ASXL1: variants seen among roughly 807,000 people sequenced by gnomAD.
ASXL1 encodes the protein polycomb group protein ASXL1.
A neutral mutation model predicts 89.1 loss-of-function variants in ASXL1; 65 were observed. The observed-to-expected ratio is 0.73, with a 90% CI of 0.60 to 0.90. ASXL1 has a LOEUF of 0.90. Ranked by LOEUF, ASXL1 falls within the 40% of genes least tolerant of loss-of-function variation. The probability of loss-of-function intolerance (pLI) is 0.00; values close to 1 mark genes in which losing one functional copy is unlikely to be tolerated. For synonymous variants in ASXL1, 739 were observed against 746.9 expected (o/e 0.99, Z 0.17); for missense variants, 1,786 against 1,942.9 (o/e 0.92, Z 1.52).
intron 1 of ASXL1, among the ~76,000 whole-genome samples, chr20:32,361,333 G>A (rs2048106925): frequency 6.6e-6 from 1 of 151,830 alleles, no homozygotes. Context: ...GATAGAGGGA[G>A]ACCCTGACTC....
At chr20:32,399,751 T>A (rs1327445671) in intron 4 of ASXL1, among the ~76,000 whole-genome samples, 2 of 58,652 alleles carry the variant, frequency 3.4e-5, no homozygotes, top group South Asian at 6.7e-4. Flanking sequence ...TTTACTCTTT[T>A]TTTTTTTTTT....
chr20:32,433,975 AG>A, intron 12 of ASXL1, 58 bp downstream of exon 12: 1 of 1,596,986 alleles, frequency 6.3e-7, no homozygotes, highest in Non-Finnish European at 8.6e-7. Context: ...GAGGGTCATG[AG>A]ATTATAGAGC....
intron 3 of ASXL1, 87 bp from the exon 4 acceptor site, chr20:32,368,928 C>T: frequency 9.2e-7 from 1 of 1,092,316 alleles, no homozygotes; most frequent in Non-Finnish European, 1.3e-6. Flanking sequence ...TTAGCTTCTT[C>T]TCATTTAAGA....
In ASXL1 at chr20:32,437,615, CG is replaced by C. The variant is rs1484164893; in HGVS notation, c.*283del. 4.9e-5 allele frequency: 13 copies of C among 263,430 alleles called. No individual in the cohort carries two copies. Among genetic ancestry groups the C allele is most frequent in the Admixed American group, 2.6e-4 (5 of 19,564 alleles). 16.3% of individuals were successfully genotyped at this position (263,430 alleles called of 1,614,324 possible). The stretch of plus-strand genomic sequence containing the variant: ...CCTGATGTGGCACGGAGTGGGGTTG[CG>C]GGGGGTGGGGGGACTGCCTGACTCC... On this transcript the variant is annotated 3_prime_UTR_variant, in exon 13 of 13. Coordinates refer to ENST00000375687, the MANE Select transcript of ASXL1 (RefSeq NM_015338.6).
rs2011973350 is a variant in ASXL1, at chr20:32,437,199, G to A, written c.4487G>A (p.Ser1496Asn). The A allele has an allele frequency of 1.2e-6, 2 of 1,613,562 alleles. No homozygotes were observed. The highest frequency in any genetic ancestry group is 1.3e-5 in the African/African-American group (1 of 74,916). The change falls in exon 13 of 13, where the codon AGC becomes AAC. Residue 1496 changes from serine (S) to asparagine (N), a missense_variant. Ser to Asn is a conservative substitution (Grantham distance 46). Around this residue, in one of 3 missense-constraint regions of ASXL1, gnomAD observed 36 missense variants for 65.5 expected, o/e 0.55. Coordinates refer to ENST00000375687, the MANE Select transcript of ASXL1 (RefSeq NM_015338.6). ...CTTTCCTTGCAAATGTTCACTGACA[G>A]CAGCACGGTGGAAAGCATCTCGCTC... Reference protein sequence around the residue: ...ASLSLQMFTDSSTVESISLQC... With the variant: ...ASLSLQMFTDNSTVESISLQC...
At chr20:32,432,734 A>G (rs1283804342) in intron 10 of ASXL1, 146 bp from the exon 11 acceptor site, 10 of 962,818 alleles carry the variant, frequency 1.0e-5, no homozygotes, top group Middle Eastern at 2.4e-4. Context: ...CTTATAGTAG[A>G]TGTGTTAGCT....
intron 4 of ASXL1, among the ~76,000 whole-genome samples, chr20:32,403,877 C>CTT (rs59499955): frequency 4.8e-5 from 7 of 146,858 alleles, no homozygotes; most frequent in African/African-American, 1.8e-4. Context: ...TTTAGGTTGT[C>CTT]TTTTTTTTTT....
At position 32,393,349 on chromosome 20, in the gene ASXL1, C is replaced by T. The variant is rs558951078; in HGVS notation, c.252+24226C>T. ...TTTTATATTTTAAAAAAACTTATCA[C>T]CTGTGTCTTTATGTTTAAAGTGGTT... is the stretch of plus-strand genomic sequence containing the variant. On this transcript the variant is annotated intron_variant, in intron 4 of 12. Transcript: ENST00000375687. Among the ~76,000 whole-genome samples, 54 of 152,234 alleles carry T rather than the reference C, an allele frequency of 3.5e-4. No individual in the cohort carries two copies. In the South Asian group the frequency reaches 0.01, roughly 29 times the overall value.
chr20:32,363,685 G>GGGAA (rs1679477429), intron 1 of ASXL1, among the ~76,000 whole-genome samples: 1 of 152,202 alleles, frequency 6.6e-6, no homozygotes, highest in African/African-American at 2.4e-5. Flanking sequence ...GCAGAGATCA[G>GGGAA]GGAAGGCTTC....
At chr20:32,397,249 G>GTTT (rs1480616920) in intron 4 of ASXL1, among the ~76,000 whole-genome samples, 1 of 29,928 alleles carries the variant, frequency 3.3e-5, no homozygotes, top group African/African-American at 1.1e-4. Flanking sequence ...ACCATGCCTG[G>GTTT]CTTTTTTTTT....
Position 32,428,356 on chromosome 20 carries a change from C to G in ASXL1, c.405C>G (p.Ser135=). 1 of 1,614,144 alleles carries G rather than the reference C, an allele frequency of 6.2e-7. No homozygotes were observed. The highest frequency in any genetic ancestry group is 8.5e-7 in the Non-Finnish European group (1 of 1,180,014). ...TTGATGAAACATCTTCGAACGCATC[C>G]TGTTCTACAGAATCTCAGAGTCGAC... ...VSLDETSSNA[S]CSTESQSRPL... The change falls in exon 6 of 13, where the codon TCC becomes TCG. Residue 135 remains serine (S), a synonymous_variant. Coordinates refer to ENST00000375687, the MANE Select transcript of ASXL1 (RefSeq NM_015338.6).
At position 32,437,380 on chromosome 20, in the gene ASXL1, A is replaced by G. The variant is rs760515780; in HGVS notation, c.*42A>G. On this transcript the variant is annotated 3_prime_UTR_variant, in exon 13 of 13. Coordinates refer to ENST00000375687, the MANE Select transcript of ASXL1 (RefSeq NM_015338.6). ...GAAACATTGTATATTTAGTGTGTGT[A>G]TTTTGATAATGATTGATCTTAAATC... The G allele has an allele frequency of 1.3e-6, 2 of 1,596,038 alleles. No homozygotes were observed. The highest frequency in any genetic ancestry group is 1.7e-6 in the Non-Finnish European group (2 of 1,164,040).
rs2011380783 is a variant in ASXL1, at chr20:32,428,037, C to G, written c.253-91C>G. The G allele has an allele frequency of 2.1e-5, 33 of 1,573,640 alleles. No homozygotes were observed. The South Asian group carries it at 3.6e-4, about 17-fold the overall frequency. ...GAACTTGTCAGTATTCTAAATCCCT[C>G]TTTTTCAAAAGCATACACATTTAGG... is the stretch of plus-strand genomic sequence containing the variant. On this transcript the variant is annotated intron_variant, in intron 4 of 12. Coordinates refer to ENST00000375687, the MANE Select transcript of ASXL1 (RefSeq NM_015338.6).
In ASXL1 at chr20:32,434,864, A is replaced by G. The variant is rs1158922559; in HGVS notation, c.2152A>G (p.Arg718Gly). The G allele has an allele frequency of 1.2e-6, 2 of 1,614,056 alleles. No individual in the cohort carries two copies. The highest frequency in any genetic ancestry group is 1.3e-5 in the African/African-American group (1 of 74,930). Reference protein sequence around the residue: ...QAGTAMSRARREDLPSLRKEE... With the variant: ...QAGTAMSRARGEDLPSLRKEE... ...CGGAACTGCCATGTCCAGAGCTAGG[A>G]GAGAGGACCTGCCTTCTCTGAGAAA... The change falls in exon 13 of 13, where the codon AGA becomes GGA. Residue 718 changes from arginine (R) to glycine (G), a missense_variant. Around this residue, in one of 3 missense-constraint regions of ASXL1, gnomAD observed 1,418 missense variants for 1,427.8 expected, o/e 0.99. Transcript: ENST00000375687.
At chr20:32,398,092 G>A (rs1432913557) in intron 4 of ASXL1, among the ~76,000 whole-genome samples, 1 of 152,068 alleles carries the variant, frequency 6.6e-6, no homozygotes, top group Non-Finnish European at 1.5e-5. Flanking sequence ...GTATCCTTTT[G>A]GGTGTGGTTT....
At chr20:32,367,782 C>T in intron 3 of ASXL1, 53 bp downstream of exon 3, 2 of 780,036 alleles carry the variant, frequency 2.6e-6, no homozygotes, top group Non-Finnish European at 4.8e-6. Context: ...CTTGTTTCTG[C>T]TTCTTGTTCT....
intron 4 of ASXL1, among the ~76,000 whole-genome samples, chr20:32,412,723 ATT>A (rs35620296): frequency 5.8e-5 from 8 of 138,466 alleles, no homozygotes; most frequent in Admixed American, 7.2e-5. Flanking sequence ...TGGCTGGCTA[ATT>A]TTTTTTTTTT....
At chr20:32,367,705 T>C (rs976673636) in intron 2 of ASXL1, 22 bp from the exon 3 acceptor site, 8 of 780,818 alleles carry the variant, frequency 1.0e-5, no homozygotes, top group Non-Finnish European at 1.9e-5. Flanking sequence ...TCTGCACTGC[T>C]GTTGGACCAC....
intron 4 of ASXL1, among the ~76,000 whole-genome samples, chr20:32,410,539 T>C (rs779396497): frequency 7.2e-5 from 11 of 152,336 alleles, no homozygotes; most frequent in Admixed American, 2.0e-4. Flanking sequence ...ATCAAAGTTA[T>C]GTGGATGTGA....
Sources: allele counts gnomAD v4.1 joint callset (sites outside exome capture counted in the v4.1 genomes callset), GRCh38; gene constraint gnomAD v4.1.1; regional missense constraint gnomAD v4.1.1; transcripts MANE v1.5; gene names NCBI Gene and HGNC (gene_info 2026-07-23, HGNC 2026-07-21).